The following NDEL1 variants were observed in gnomAD, a reference collection of about 807,000 sequenced individuals.
NDEL1 encodes nuclear distribution protein nudE-like 1.
In NDEL1, 9 loss-of-function variants were observed where a neutral mutation model predicts 45.7. That is an observed-to-expected ratio of 0.20 (90% CI 0.12 to 0.34). NDEL1 has a LOEUF of 0.34. Ranked by LOEUF, NDEL1 falls within the 10% of genes least tolerant of loss-of-function variation. NDEL1 has a pLI of 1.00. For synonymous variants in NDEL1, 133 were observed against 158.6 expected (o/e 0.84, Z 1.21); for missense variants, 306 against 406.2 (o/e 0.75, Z 2.12).
chr17:8,443,445 G>A (rs1208726575), intron 1 of NDEL1, among the ~76,000 whole-genome samples: 1 of 152,150 alleles, frequency 6.6e-6, no homozygotes, highest in Non-Finnish European at 1.5e-5. Context: ...ACCTGGAGTA[G>A]TTTTCCATGC....
chr17:8,414,122 C>T (rs1046673514), intron 1 of NDEL1, among the ~76,000 whole-genome samples: 1 of 152,070 alleles, frequency 6.6e-6, no homozygotes, highest in Non-Finnish European at 1.5e-5. Context: ...TCTACCTTGT[C>T]CTTTTTAACA....
Position 8,446,671 on chromosome 17 carries a change from C to CG in NDEL1, c.241-83_241-82insG. The CG allele has an allele frequency of 5.4e-6, 8 of 1,471,824 alleles. No homozygotes were observed. The South Asian group carries it at 8.9e-5, about 16-fold the overall frequency. 91.2% of individuals were successfully genotyped at this position (1,471,824 alleles called of 1,614,324 possible). A position where few individuals can be genotyped will look rare whatever the true frequency, so the allele number is the denominator to read the frequency against. ...TGTGGGTAAATTCCTTGGGTTCCCC[C>CG]CCACCCTTTTAACTTGAGTTACCTC... On this transcript the variant is annotated intron_variant, in intron 3 of 8. Coordinates refer to ENST00000334527, the MANE Select transcript of NDEL1 (RefSeq NM_030808.5).
chr17:8,415,154 G>GTCTCCCTC (rs1277580120), intron 1 of NDEL1, among the ~76,000 whole-genome samples: 15 of 128,980 alleles, frequency 1.2e-4, no homozygotes, highest in Admixed American at 3.5e-4. Context: ...CTGTCTCTCT[G>GTCTCCCTC]TCTCCCTCTC....
At position 8,466,860 on chromosome 17, in the gene NDEL1, T is replaced by C. The variant is rs113947080; in HGVS notation, c.945-70T>C. 1,918 of 1,409,144 alleles carry C rather than the reference T, an allele frequency of 1.4e-3. 29 individuals carry two copies. In the African/African-American group the frequency reaches 0.023, roughly 17 times the overall value. 87.3% of individuals were successfully genotyped at this position (1,409,144 alleles called of 1,614,324 possible). On this transcript the variant is annotated intron_variant, in intron 8 of 8. Coordinates refer to ENST00000334527, the MANE Select transcript of NDEL1 (RefSeq NM_030808.5). ...TAGAAAGCAGATTAATTTCCTATTG[T>C]GTGTGAGTGATTTTAAATGAGTTTT...
intron 7 of NDEL1, among the ~76,000 whole-genome samples, chr17:8,455,258 T>A (rs1322156687): frequency 6.6e-6 from 1 of 152,234 alleles, no homozygotes; most frequent in African/African-American, 2.4e-5. Flanking sequence ...TTGTTTTGTG[T>A]TTGTGGGACT....
intron 7 of NDEL1, among the ~76,000 whole-genome samples, chr17:8,456,127 A>G (rs1038012733): frequency 6.6e-6 from 1 of 152,240 alleles, no homozygotes; most frequent in African/African-American, 2.4e-5. Context: ...ATTGCATTAT[A>G]CTTTATCTAA....
chr17:8,414,603 C>A (rs918929131), intron 1 of NDEL1, among the ~76,000 whole-genome samples: 1 of 152,094 alleles, frequency 6.6e-6, no homozygotes, highest in African/African-American at 2.4e-5. Context: ...GGAGGCGGAG[C>A]TGGCAGTGAG....
chr17:8,463,119 G>T (rs910191865), intron 8 of NDEL1: 3 of 463,612 alleles, frequency 6.5e-6, no homozygotes, highest in Middle Eastern at 5.8e-4. Flanking sequence ...TTCATGTGGA[G>T]TGTGGTCGCT....
In NDEL1 at chr17:8,454,816, A is replaced by G. The variant is rs1428399277; in HGVS notation, c.721A>G (p.Thr241Ala). The G allele has an allele frequency of 6.2e-7, 1 of 1,613,884 alleles. No individual in the cohort carries two copies. Among genetic ancestry groups the G allele is most frequent in the East Asian group, 2.2e-5 (1 of 44,876 alleles). ...SPKAIPNGFGTSPLTPSARIS... is the reference protein window; with the variant it reads ...SPKAIPNGFGASPLTPSARIS... ...TCTAGCTATACCAAATGGTTTTGGT[A>G]CCAGTCCACTAACTCCCTCTGCTAG... The change falls in exon 7 of 9, where the codon ACC (threonine) becomes GCC (alanine). Residue 241 changes from threonine (T) to alanine (A), a missense_variant. By Grantham distance (58) the Thr-to-Ala change is moderately conservative. Around this residue, in one of 3 missense-constraint regions of NDEL1, gnomAD observed 175 missense variants for 205.2 expected, o/e 0.85. Transcript: ENST00000334527.
At chr17:8,468,575 G>A (rs115917760), downstream of NDEL1, among the ~76,000 whole-genome samples, 156 of 152,342 alleles carry the variant, frequency 1.0e-3, no homozygotes, top group African/African-American at 3.5e-3. Context: ...CATCCCTCAG[G>A]TTAATGCTAG....
chr17:8,453,733 A>C (rs556290775), intron 6 of NDEL1, among the ~76,000 whole-genome samples: 96 of 152,342 alleles, frequency 6.3e-4, no homozygotes, highest in African/African-American at 2.2e-3. Flanking sequence ...GATTTAAAAA[A>C]TTGATATGTT....
chr17:8,440,237 A>T (rs1909637174), intron 1 of NDEL1, among the ~76,000 whole-genome samples: 1 of 152,096 alleles, frequency 6.6e-6, no homozygotes, highest in Non-Finnish European at 1.5e-5. Flanking sequence ...AAAGAATGTG[A>T]CCAGGCGCGG....
At chr17:8,445,660 A>G (rs1910034632) in intron 2 of NDEL1, 51 bp from the exon 3 acceptor site, 1 of 1,563,212 alleles carries the variant, frequency 6.4e-7, no homozygotes, top group Non-Finnish European at 8.6e-7. Context: ...CTCCAAGACA[A>G]TCCTTGTGGT....
chr17:8,455,842 A>G (rs761840470), intron 7 of NDEL1, among the ~76,000 whole-genome samples: 4 of 151,594 alleles, frequency 2.6e-5, no homozygotes, highest in Admixed American at 6.6e-5. Context: ...CTTCCTTTCT[A>G]TTCATCTGTG....
intron 1 of NDEL1, 50 bp from the exon 2 acceptor site, chr17:8,444,210 T>C: frequency 8.4e-7 from 1 of 1,191,512 alleles, no homozygotes; most frequent in African/African-American, 1.5e-5. Context: ...TGCTTGTGCT[T>C]AGATTTCTCT....
At chr17:8,450,549 C>T (rs942970662) in intron 5 of NDEL1, among the ~76,000 whole-genome samples, 1 of 152,122 alleles carries the variant, frequency 6.6e-6, no homozygotes, top group African/African-American at 2.4e-5. Flanking sequence ...TGCATATAAG[C>T]ATAAGTAACT....
At chr17:8,415,883 G>T (rs2079091533) in intron 1 of NDEL1, among the ~76,000 whole-genome samples, 1 of 152,152 alleles carries the variant, frequency 6.6e-6, no homozygotes, top group Non-Finnish European at 1.5e-5. Flanking sequence ...GAGTAGCCGG[G>T]ATTACAGGCG....
At chr17:8,414,718 G>T (rs1232783921) in intron 1 of NDEL1, among the ~76,000 whole-genome samples, 1 of 152,012 alleles carries the variant, frequency 6.6e-6, no homozygotes, top group Non-Finnish European at 1.5e-5. Context: ...GCCGGGTCTT[G>T]CTATGTTGCC....
At chr17:8,427,058 G>A (rs540757224) in intron 1 of NDEL1, among the ~76,000 whole-genome samples, 46 of 152,342 alleles carry the variant, frequency 3.0e-4, no homozygotes, top group Middle Eastern at 3.4e-3. Context: ...CAGTGGAAAG[G>A]GAAGGAAAGG....
Sources: gnomAD v4.1 joint callset for allele counts (sites outside exome capture counted in the v4.1 genomes callset) on GRCh38, gnomAD v4.1.1 for gene constraint, gnomAD v4.1.1 regional missense constraint, MANE v1.5 for transcripts, NCBI Gene and HGNC (gene_info 2026-07-23, HGNC 2026-07-21) for gene names.